Variants in ERCC6L2 observed in about 807,000 individuals in gnomAD.
ERCC6L2 encodes ERCC excision repair 6 like 2, also known as DNA excision repair protein ERCC-6-like 2.
A neutral mutation model predicts 132.0 loss-of-function variants in ERCC6L2; 77 were observed. That is an observed-to-expected ratio of 0.58 (90% CI 0.49 to 0.71). The LOEUF is 0.71. Among genes scored for constraint, ERCC6L2 ranks in the 30% least tolerant of loss-of-function variants. ERCC6L2 has a pLI of 0.00. For synonymous variants in ERCC6L2, 583 were observed against 632.4 expected (o/e 0.92, Z 1.17); for missense variants, 1,542 against 1,837.6 (o/e 0.84, Z 2.94).
intron 6 of ERCC6L2, among the ~76,000 whole-genome samples, chr9:95,919,189 G>A (rs1829744549): frequency 6.6e-6 from 1 of 151,772 alleles, no homozygotes; most frequent in Non-Finnish European, 1.5e-5. Context: ...CCTGTTTACA[G>A]AATAAACATG....
chr9:95,875,897 C>A lies in ERCC6L2; in HGVS notation c.-142C>A. The A allele has an allele frequency of 2.4e-6, 2 of 847,418 alleles. No homozygotes were observed. The highest frequency in any genetic ancestry group is 1.7e-5 in the African/African-American group (1 of 60,338). The allele number at this position is 847,418 out of a possible 1,614,324, so 52.5% of individuals were successfully genotyped here. ...GGGATCCCCCTCCTCCATCCTGTGGCTTCGGGTTGCCGAAGAGCGATGCTC... is the reference window on the plus strand; with the variant it reads ...GGGATCCCCCTCCTCCATCCTGTGGATTCGGGTTGCCGAAGAGCGATGCTC... On this transcript the variant is annotated 5_prime_UTR_variant, in exon 1 of 19. Transcript: ENST00000653738.
At chr9:95,943,313 A>G (rs186113454) in intron 12 of ERCC6L2, among the ~76,000 whole-genome samples, 61 of 152,236 alleles carry the variant, frequency 4.0e-4, no homozygotes, top group African/African-American at 1.4e-3. Context: ...TTCCTCAGGA[A>G]AGGACCAGGA....
At chr9:95,918,086 A>G in intron 6 of ERCC6L2, 1 of 298,436 alleles carries the variant, frequency 3.4e-6, no homozygotes, top group Non-Finnish European at 6.5e-6. Flanking sequence ...GTGTGCTGCC[A>G]TGCATCCTTC....
intron 13 of ERCC6L2, among the ~76,000 whole-genome samples, chr9:95,962,146 A>G (rs12684118): frequency 0.3 from 45,508 of 152,052 alleles, 7,107 homozygotes; most frequent in East Asian, 0.39. Flanking sequence ...CATGTGAAAA[A>G]ATCTTTTTAA....
At chr9:95,892,404 T>C (rs1457179086) in intron 2 of ERCC6L2, among the ~76,000 whole-genome samples, 3 of 151,536 alleles carry the variant, frequency 2.0e-5, no homozygotes, top group South Asian at 2.1e-4. Flanking sequence ...AAGTCAAGTT[T>C]CTCGGTGAAG....
At chr9:95,979,535 T>C (rs982536335) in intron 17 of ERCC6L2, among the ~76,000 whole-genome samples, 5 of 152,134 alleles carry the variant, frequency 3.3e-5, no homozygotes, top group African/African-American at 4.8e-5. Context: ...CAGAACGATA[T>C]AGTGAAGAGT....
Position 95,973,077 on chromosome 9 carries a change from A to G in ERCC6L2, c.3326A>G (p.Asp1109Gly), listed in dbSNP as rs532472512. Reference protein sequence around the residue: ...VNQEQSYESMDKFLDGVQEVA... With the variant: ...VNQEQSYESMGKFLDGVQEVA... ...CAAGAGCAGTCGTATGAATCAATGG[A>G]TAAATTTTTAGGTAACTAAAGACAC... is the stretch of plus-strand genomic sequence containing the variant. Residue 1109 changes from aspartate (D) to glycine (G), a missense_variant, in exon 16 of 19, where the codon GAT becomes GGT. Around this residue, in one of 4 missense-constraint regions of ERCC6L2, gnomAD observed 442 missense variants for 583.4 expected, o/e 0.76. Coordinates refer to ENST00000653738, the MANE Select transcript of ERCC6L2 (RefSeq NM_020207.7). 14 of 1,334,722 alleles carry G rather than the reference A, an allele frequency of 1.0e-5. No individual in the cohort carries two copies. The South Asian group carries it at 1.7e-4, about 16-fold the overall frequency. The allele number at this position is 1,334,722 out of a possible 1,614,324, so 82.7% of individuals were successfully genotyped here. A position where few individuals can be genotyped will look rare whatever the true frequency, so the allele number is the denominator to read the frequency against.
At chr9:95,924,290 A>C (rs954929086) in intron 9 of ERCC6L2, among the ~76,000 whole-genome samples, 1 of 152,098 alleles carries the variant, frequency 6.6e-6, no homozygotes, top group African/African-American at 2.4e-5. Context: ...CAATGAAATA[A>C]AATAGAAGGT....
intron 12 of ERCC6L2, among the ~76,000 whole-genome samples, chr9:95,947,013 T>C (rs958823541): frequency 6.6e-6 from 1 of 152,154 alleles, no homozygotes; most frequent in African/African-American, 2.4e-5. Context: ...GTATTTAAAT[T>C]AGGCCAATTA....
intron 17 of ERCC6L2, among the ~76,000 whole-genome samples, chr9:95,992,965 A>C (rs1271823526): frequency 2.6e-5 from 4 of 152,234 alleles, no homozygotes; most frequent in African/African-American, 9.6e-5. Flanking sequence ...CTTTATAGAA[A>C]ATATAGTAAT....
At chr9:96,037,213 C>T (rs1219037310) in intron 19 of ERCC6L2, among the ~76,000 whole-genome samples, 1 of 152,240 alleles carries the variant, frequency 6.6e-6, no homozygotes, top group African/African-American at 2.4e-5. Flanking sequence ...CCTTAGGTAG[C>T]ATGGCCTGGC....
In ERCC6L2 at chr9:96,040,921, G is replaced by C. The variant is rs1834570501; in HGVS notation, c.*1755+1794G>C. 7.2e-5 allele frequency among the ~76,000 whole-genome samples: 11 copies of C among 152,346 alleles called. No individual in the cohort carries two copies. In the South Asian group the frequency reaches 2.3e-3, roughly 32 times the overall value. ...GCTTGAGCCTTGGCAGGGTTTGTTTGTCTTGAGGGAAGTTGTTTATGCTAA... is the reference window on the plus strand; with the variant it reads ...GCTTGAGCCTTGGCAGGGTTTGTTTCTCTTGAGGGAAGTTGTTTATGCTAA... On this transcript the variant is annotated intron_variant and NMD_transcript_variant, in intron 20 of 20. Transcript: ENST00000670016.
chr9:96,012,471 G>A lies in ERCC6L2; in HGVS notation c.3921G>A (p.Arg1307=). The A allele has an allele frequency of 7.3e-7, 1 of 1,367,300 alleles. No individual in the cohort carries two copies. Among genetic ancestry groups the A allele is most frequent in the South Asian group, 1.1e-5 (1 of 87,938 alleles). The allele number at this position is 1,367,300 out of a possible 1,614,324, so 84.7% of individuals were successfully genotyped here. ...SDKRESLIKP[R]LSDSETLSFK... The stretch of plus-strand genomic sequence containing the variant: ...AAAGAGAATCTCTTATAAAACCAAG[G>A]CTGTCAGATTCTGAAACCTTGTCAT... Residue 1307 remains arginine (R), a synonymous_variant, in exon 19 of 19, where the codon AGG becomes AGA. Transcript: ENST00000653738.
chr9:95,876,106 C>T (rs764135092), intron 1 of ERCC6L2, 22 bp downstream of exon 1: 8 of 1,556,452 alleles, frequency 5.1e-6, no homozygotes, highest in Non-Finnish European at 7.0e-6. Context: ...GCGCTCGCCC[C>T]TTACGCAGAG....
Position 95,889,938 on chromosome 9 carries a change from C to T in ERCC6L2, c.472-7911C>T, listed in dbSNP as rs551893653. On this transcript the variant is annotated intron_variant, in intron 2 of 18. Coordinates refer to ENST00000653738, the MANE Select transcript of ERCC6L2 (RefSeq NM_020207.7). ...TAAACTCAGTTATTTGTGGAGTATC[C>T]GTTCTCTTTCTTTTAATTTATGTTC... Among the ~76,000 whole-genome samples the T allele has an allele frequency of 2.0e-3, 303 of 152,104 alleles. 1 individual carries two copies. The highest frequency in any genetic ancestry group is 7.0e-3 in the African/African-American group (290 of 41,486).
chr9:95,971,448 A>G (rs2133075374), intron 15 of ERCC6L2: 1 of 152,332 alleles, frequency 6.6e-6, no homozygotes, highest in Middle Eastern at 3.4e-3. Context: ...ATTTCTGGTG[A>G]TCAAGATCCT....
rs1035251411 is a variant in ERCC6L2 at position 96,014,813 on chromosome 9, A to C, written c.*1610A>C. On this transcript the variant is annotated 3_prime_UTR_variant, in exon 19 of 19. Coordinates refer to ENST00000653738, the MANE Select transcript of ERCC6L2 (RefSeq NM_020207.7). The stretch of plus-strand genomic sequence containing the variant: ...TTGCCATTGAGGGGCCTTCTACACA[A>C]TGAGTGCATGATATGGTCCTTGATA... 2.6e-5 allele frequency among the ~76,000 whole-genome samples: 4 copies of C among 152,170 alleles called. No individual in the cohort carries two copies. The highest frequency in any genetic ancestry group is 5.9e-5 in the Non-Finnish European group (4 of 68,026).
At chr9:95,930,078 T>G (rs901832790) in intron 11 of ERCC6L2, among the ~76,000 whole-genome samples, 1 of 152,162 alleles carries the variant, frequency 6.6e-6, no homozygotes, top group Non-Finnish European at 1.5e-5. Flanking sequence ...CTCCTGTACT[T>G]GGTGGTGCTG....
chr9:95,876,856 C>T (rs1382273967), intron 1 of ERCC6L2: 2 of 152,156 alleles, frequency 1.3e-5, no homozygotes, highest in Non-Finnish European at 2.9e-5. Flanking sequence ...GAATTGATGA[C>T]GCTGTAATTC....
Sources: gnomAD v4.1 joint callset for allele counts (sites outside exome capture counted in the v4.1 genomes callset) on GRCh38, gnomAD v4.1.1 for gene constraint, gnomAD v4.1.1 regional missense constraint, MANE v1.5 for transcripts, NCBI Gene and HGNC (gene_info 2026-07-23, HGNC 2026-07-21) for gene names.